The following UGT1A6 variants were observed in gnomAD, a reference collection of about 807,000 sequenced individuals.
UGT1A6 encodes UDP glucuronosyltransferase family 1 member A6.
UGT1A6 carries 32 observed loss-of-function variants against 44.4 expected under a neutral mutation model. The ratio of observed to expected loss-of-function variants is 0.72; its 90% CI spans 0.54 to 0.97. The LOEUF is 0.97. Among genes scored for constraint, UGT1A6 ranks in the 50% least tolerant of loss-of-function variants. The probability of loss-of-function intolerance (pLI) is 0.00; values close to 1 mark genes in which losing one functional copy is unlikely to be tolerated. For synonymous variants in UGT1A6, 238 were observed against 248.5 expected, an observed-to-expected ratio of 0.96 and a Z score of 0.40; for missense variants, 685 against 661.9, an observed-to-expected ratio of 1.03 and a Z score of -0.38.
At chr2:233,749,672 C>T (rs779436675) in intron 1 of UGT1A6, among the ~76,000 whole-genome samples, 1 of 151,816 alleles carries the variant, frequency 6.6e-6, no homozygotes, top group African/African-American at 2.4e-5. Flanking sequence ...ATAATCCCCA[C>T]GTGTCAAGGA....
chr2:233,763,565 C>A (rs1354806563), intron 1 of UGT1A6, among the ~76,000 whole-genome samples: 1 of 152,164 alleles, frequency 6.6e-6, no homozygotes, highest in Admixed American at 6.5e-5. Context: ...AGTTACTGTT[C>A]TTATTTTCTC....
At chr2:233,765,087 G>A (rs1381800370) in intron 1 of UGT1A6, among the ~76,000 whole-genome samples, 3 of 152,094 alleles carry the variant, frequency 2.0e-5, no homozygotes, top group African/African-American at 7.2e-5. Flanking sequence ...CACATCTAGG[G>A]TGACCAGCAT....
intron 1 of UGT1A6, among the ~76,000 whole-genome samples, chr2:233,752,106 AGAG>A (rs1694895437): frequency 6.6e-6 from 1 of 152,236 alleles, no homozygotes; most frequent in Non-Finnish European, 1.5e-5. Flanking sequence ...AAGTAGAATC[AGAG>A]GAGAAGAAGA....
intron 4 of UGT1A6, 111 bp from the exon 5 acceptor site, chr2:233,772,151 C>T (rs1700473345): frequency 1.3e-6 from 2 of 1,555,904 alleles, no homozygotes; most frequent in Non-Finnish European, 8.7e-7. Context: ...AACAGGTTTC[C>T]TTTCCCAAGT....
At chr2:233,711,359 T>G (rs576618910) in intron 1 of UGT1A6, among the ~76,000 whole-genome samples, 1 of 152,314 alleles carries the variant, frequency 6.6e-6, no homozygotes, top group East Asian at 1.9e-4. Context: ...GGGAGCCCCC[T>G]GAATGTGGTG....
At chr2:233,755,201 G>T (rs745426123) in intron 1 of UGT1A6, 6 of 1,105,450 alleles carry the variant, frequency 5.4e-6, no homozygotes, top group Non-Finnish European at 7.7e-6. Flanking sequence ...CCAGCTTGCG[G>T]TACGCCTTCT....
intron 1 of UGT1A6, chr2:233,708,409 T>C (rs1215393625): frequency 6.6e-6 from 1 of 152,208 alleles, no homozygotes; most frequent in East Asian, 1.9e-4. Flanking sequence ...CATCAAGTTG[T>C]TTCACCAGTG....
At position 233,767,903 on chromosome 2, in the gene UGT1A6, C is replaced by G. The variant is rs549391527; in HGVS notation, c.1048C>G (p.Leu350Val). 1.2e-6 allele frequency: 2 copies of G among 1,614,060 alleles called. No homozygotes were observed. Among genetic ancestry groups the G allele is most frequent in the African/African-American group, 1.3e-5 (1 of 74,904 alleles). ...RPSNLANNTILVKWLPQNDLL... is the reference protein window; with the variant it reads ...RPSNLANNTIVVKWLPQNDLL... ...ATCGAATCTTGCGAACAACACGATA[C>G]TTGTTAAGTGGCTACCCCAAAACGA... The change falls in exon 3 of 5, where the codon CTT becomes GTT. Residue 350 changes from leucine to valine, a missense_variant. By Grantham distance (32) the Leu-to-Val change is conservative. Coordinates refer to ENST00000305139, the MANE Select transcript of UGT1A6 (RefSeq NM_001072.4).
At chr2:233,767,974 G>A (rs1338835560) in intron 3 of UGT1A6, 38 bp downstream of exon 3, 1 of 1,613,994 alleles carries the variant, frequency 6.2e-7, no homozygotes, top group Non-Finnish European at 8.5e-7. Context: ...TCAAACCAGG[G>A]TCAAATTAAG....
intron 1 of UGT1A6, among the ~76,000 whole-genome samples, chr2:233,736,127 C>T (rs143835193): frequency 0.028 from 4,197 of 152,268 alleles, 184 homozygotes; most frequent in African/African-American, 0.094. Flanking sequence ...TTCCATTCTC[C>T]GCATCACTTT....
chr2:233,722,101 G>T, intron 1 of UGT1A6: 1 of 200,878 alleles, frequency 5.0e-6, no homozygotes, highest in East Asian at 1.4e-4. Context: ...AGGCCTCTTA[G>T]AGGAAGAGCT....
intron 1 of UGT1A6, chr2:233,747,808 C>G (rs1432471540): frequency 1.2e-6 from 2 of 1,613,386 alleles, no homozygotes; most frequent in African/African-American, 2.7e-5. Flanking sequence ...AAGTTACTAA[C>G]GACCAATTCA....
At chr2:233,713,501 G>A (rs771192795) in intron 1 of UGT1A6, 5 of 1,613,952 alleles carry the variant, frequency 3.1e-6, no homozygotes, top group Admixed American at 1.7e-5. Context: ...TTCCTGCTGT[G>A]TTTTTCTTGA....
intron 1 of UGT1A6, among the ~76,000 whole-genome samples, chr2:233,724,125 CA>C (rs1371340693): frequency 1.8e-5 from 2 of 108,584 alleles, no homozygotes; most frequent in Non-Finnish European, 3.7e-5. Flanking sequence ...AGGCGCCCCT[CA>C]CCTCCCGGAC....
chr2:233,767,889 C>T lies in UGT1A6; in HGVS notation c.1034C>T (p.Ala345Val), dbSNP rs201372184. The change falls in exon 3 of 5, where the codon GCG becomes GTG. Residue 345 changes from alanine (A) to valine (V), a missense_variant. Ala to Val is a moderately conservative substitution (Grantham distance 64). Transcript: ENST00000305139. The part of the protein sequence containing the change: ...RYTGTRPSNL[A>V]NNTILVKWLP... Reference sequence around the variant, plus strand: ...ACTGGAACCCGACCATCGAATCTTGCGAACAACACGATACTTGTTAAGTGG... The same window carrying T: ...ACTGGAACCCGACCATCGAATCTTGTGAACAACACGATACTTGTTAAGTGG... 8.3e-5 allele frequency: 134 copies of T among 1,614,018 alleles called. No homozygotes were observed. Among genetic ancestry groups the T allele is most frequent in the Middle Eastern group, 1.6e-4 (1 of 6,084 alleles).
At chr2:233,767,192 A>C (rs752013731) in intron 2 of UGT1A6, 27 bp downstream of exon 2, 1 of 1,613,796 alleles carries the variant, frequency 6.2e-7, no homozygotes, top group African/African-American at 1.3e-5. Context: ...CCATGGCCTC[A>C]TATCTATTTT....
At chr2:233,719,560 A>C (rs1443276179) in intron 1 of UGT1A6, 1 of 1,613,812 alleles carries the variant, frequency 6.2e-7, no homozygotes, top group Admixed American at 1.7e-5. Context: ...TCAGTGGTGG[A>C]TCTTGTCAGC....
At chr2:233,767,789 A>T (rs1699484858) in intron 2 of UGT1A6, 60 bp from the exon 3 acceptor site, 5 of 1,613,778 alleles carry the variant, frequency 3.1e-6, no homozygotes, top group Non-Finnish European at 4.2e-6. Context: ...AGTATAGCAG[A>T]TTTGTTTTCT....
At chr2:233,696,906 G>A (rs1231812391) in intron 1 of UGT1A6, among the ~76,000 whole-genome samples, 2 of 152,082 alleles carry the variant, frequency 1.3e-5, no homozygotes, top group African/African-American at 2.4e-5. Flanking sequence ...TTCTGTCAAT[G>A]TATTCATATC....
Sources: gnomAD v4.1 joint callset for allele counts (sites outside exome capture counted in the v4.1 genomes callset) on GRCh38, gnomAD v4.1.1 for gene constraint, MANE v1.5 for transcripts, NCBI Gene and HGNC (gene_info 2026-07-23, HGNC 2026-07-21) for gene names.